METAP1: variants seen among roughly 807,000 people sequenced by gnomAD.
METAP1 encodes methionine aminopeptidase 1.
A neutral mutation model predicts 53.8 loss-of-function variants in METAP1; 28 were observed. The ratio of observed to expected loss-of-function variants is 0.52; its 90% CI spans 0.39 to 0.71. The LOEUF (loss-of-function observed/expected upper bound fraction) is 0.71. METAP1 is among the 30% of genes least tolerant of loss of function. The probability of loss-of-function intolerance (pLI) is 0.00; values close to 1 mark genes in which losing one functional copy is unlikely to be tolerated. For missense variants in METAP1, 389 were observed against 479.8 expected (o/e 0.81, Z 1.77); for synonymous variants, 181 against 165.7 (o/e 1.09, Z -0.71).
chr4:99,018,824 AC>A (rs201649570), intron 1 of METAP1, among the ~76,000 whole-genome samples: 3,336 of 152,246 alleles, frequency 0.022, 45 homozygotes, highest in Non-Finnish European at 0.035. Flanking sequence ...TTTTAGTCCT[AC>A]CCGGCCTTCC....
intron 4 of METAP1, among the ~76,000 whole-genome samples, chr4:99,037,178 C>T (rs1203798280): frequency 6.6e-6 from 1 of 151,490 alleles, no homozygotes; most frequent in Non-Finnish European, 1.5e-5. Flanking sequence ...CTAGTTTTTT[C>T]CATATTGATT....
Position 99,062,157 on chromosome 4 carries a change from G to A in METAP1, c.*840G>A, listed in dbSNP as rs935320846. The A allele has an allele frequency of 1.5e-4, 23 of 152,164 alleles. No individual in the cohort carries two copies. Among genetic ancestry groups the A allele is most frequent in the African/African-American group, 4.6e-4 (19 of 41,430 alleles). 9.4% of individuals were successfully genotyped at this position (152,164 alleles called of 1,614,324 possible). The stretch of plus-strand genomic sequence containing the variant: ...AAAAGCCCCCTTTCTTCCCTTTTCT[G>A]TTTTACTTCAAGGGCATACCTTGGA... On this transcript the variant is annotated 3_prime_UTR_variant, in exon 11 of 11. Transcript: ENST00000296411.
At chr4:99,037,435 CT>C (rs1288033873) in intron 4 of METAP1, among the ~76,000 whole-genome samples, 2 of 151,772 alleles carry the variant, frequency 1.3e-5, no homozygotes, top group Non-Finnish European at 2.9e-5. Flanking sequence ...TGGTTTCAGT[CT>C]TTTTTATGTA....
chr4:99,060,426 C>T (rs1727463788), intron 10 of METAP1, among the ~76,000 whole-genome samples: 1 of 144,334 alleles, frequency 6.9e-6, no homozygotes, highest in Admixed American at 7.4e-5. Context: ...TGCAGTGGCG[C>T]GATCTCAGCT....
At chr4:99,012,693 G>T (rs530816673) in intron 1 of METAP1, among the ~76,000 whole-genome samples, 1 of 140,648 alleles carries the variant, frequency 7.1e-6, no homozygotes, top group East Asian at 2.1e-4. Context: ...ATTTAAAGAG[G>T]TTTATTCTGA....
intron 8 of METAP1, among the ~76,000 whole-genome samples, chr4:99,046,576 A>G (rs1374836330): frequency 6.6e-6 from 1 of 152,208 alleles, no homozygotes; most frequent in Non-Finnish European, 1.5e-5. Context: ...TGTCATCAAC[A>G]GAATAGTGAA....
intron 5 of METAP1, among the ~76,000 whole-genome samples, chr4:99,040,592 G>C (rs1245708422): frequency 1.3e-5 from 2 of 150,336 alleles, no homozygotes; most frequent in Non-Finnish European, 2.9e-5. Context: ...CTGGGCTCAA[G>C]CTATCCTTCC....
At chr4:99,036,507 T>C (rs1725432782) in intron 4 of METAP1, among the ~76,000 whole-genome samples, 1 of 152,114 alleles carries the variant, frequency 6.6e-6, no homozygotes, top group Admixed American at 6.5e-5. Flanking sequence ...CTATTCACCT[T>C]TATGTACAGA....
At chr4:99,049,205 G>C (rs1403224488) in intron 9 of METAP1, among the ~76,000 whole-genome samples, 1 of 152,136 alleles carries the variant, frequency 6.6e-6, no homozygotes, top group African/African-American at 2.4e-5. Context: ...GTTGAAGCTT[G>C]AAGGGGTATA....
intron 9 of METAP1, among the ~76,000 whole-genome samples, chr4:99,056,181 C>G (rs574813897): frequency 1.8e-4 from 27 of 152,296 alleles, no homozygotes; most frequent in African/African-American, 6.3e-4. Context: ...AGTTGCAGAT[C>G]AGAACAACCT....
Position 99,048,826 on chromosome 4 carries a change from A to C in METAP1, c.881A>C (p.His294Pro), listed in dbSNP as rs754423260. The C allele has an allele frequency of 1.2e-6, 2 of 1,614,022 alleles. No homozygotes were observed. The highest frequency in any genetic ancestry group is 1.7e-6 in the Non-Finnish European group (2 of 1,179,870). ...GFSVVRSYCG[H>P]GIHKLFHTAP... The stretch of plus-strand genomic sequence containing the variant: ...TCAGTTGTTCGAAGCTATTGTGGGC[A>C]TGGAATCCACAAGCTTTTTCATACA... Residue 294 changes from histidine (H) to proline (P), a missense_variant, in exon 9 of 11, where the codon CAT (histidine) becomes CCT (proline). Transcript: ENST00000296411.
chr4:99,037,253 A>G (rs1725495944), intron 4 of METAP1, among the ~76,000 whole-genome samples: 1 of 151,456 alleles, frequency 6.6e-6, no homozygotes, highest in African/African-American at 2.4e-5. Flanking sequence ...ACTGTTTTTT[A>G]CCAATTGACC....
intron 1 of METAP1, among the ~76,000 whole-genome samples, chr4:99,019,167 C>T (rs1287967604): frequency 6.6e-6 from 1 of 152,190 alleles, no homozygotes; most frequent in Non-Finnish European, 1.5e-5. Flanking sequence ...TCTTCTTTCA[C>T]CCCAGATAAT....
chr4:99,002,289 G>T (rs1722958533), intron 1 of METAP1, among the ~76,000 whole-genome samples: 1 of 152,174 alleles, frequency 6.6e-6, no homozygotes. Flanking sequence ...CTTTTAGATA[G>T]ATATTAAATA....
chr4:98,997,046 G>A (rs1722667393), intron 1 of METAP1, among the ~76,000 whole-genome samples: 2 of 152,146 alleles, frequency 1.3e-5, no homozygotes, highest in Admixed American at 1.3e-4. Context: ...ATTATCCAAG[G>A]AACGTGAAAT....
chr4:99,023,012 T>G, intron 1 of METAP1: 1 of 1,459,114 alleles, frequency 6.9e-7, no homozygotes, highest in Non-Finnish European at 9.2e-7. Flanking sequence ...ACTACCCGCT[T>G]CTTGCTGCCA....
At chr4:99,015,026 T>G (rs1489991563) in intron 1 of METAP1, among the ~76,000 whole-genome samples, 2 of 152,216 alleles carry the variant, frequency 1.3e-5, no homozygotes, top group Non-Finnish European at 2.9e-5. Context: ...CATTCCAGGC[T>G]GTAGAATCTT....
At chr4:98,995,976 T>G in intron 1 of METAP1, 109 bp downstream of exon 1, 1 of 850,336 alleles carries the variant, frequency 1.2e-6, no homozygotes, top group Non-Finnish European at 1.9e-6. Context: ...CTCCTCCTCT[T>G]CCCCCCGGCC....
intron 1 of METAP1, among the ~76,000 whole-genome samples, chr4:98,999,189 G>A (rs1722801071): frequency 6.6e-6 from 1 of 152,124 alleles, no homozygotes; most frequent in Admixed American, 6.5e-5. Context: ...TTCCCAGTAT[G>A]ATGCTCTGTA....
Sources: allele counts gnomAD v4.1 joint callset (sites outside exome capture counted in the v4.1 genomes callset), GRCh38; gene constraint gnomAD v4.1.1; transcripts MANE v1.5; gene names NCBI Gene and HGNC (gene_info 2026-07-23, HGNC 2026-07-21).